HSD17B12: variants seen among roughly 807,000 people sequenced by gnomAD.
HSD17B12 encodes the protein hydroxysteroid 17-beta dehydrogenase 12, also known as very-long-chain 3-oxoacyl-CoA reductase.
HSD17B12 carries 32 observed loss-of-function variants against 39.3 expected under a neutral mutation model. That is an observed-to-expected ratio of 0.81 (90% confidence interval 0.61 to 1.09). The LOEUF (loss-of-function observed/expected upper bound fraction) is 1.09, where lower values mean the gene tolerates loss of function less well. Among genes scored for constraint, HSD17B12 ranks in the 50% least tolerant of loss-of-function variants. The probability of loss-of-function intolerance (pLI) is 0.00; values close to 1 mark genes in which losing one functional copy is unlikely to be tolerated. For synonymous variants in HSD17B12, 150 were observed against 146.7 expected, an observed-to-expected ratio of 1.02 and a Z score of -0.16; for missense variants, 342 against 382.9, an observed-to-expected ratio of 0.89 and a Z score of 0.89.
chr11:43,583,244 T>C, the HSD17B12 span, among the ~76,000 whole-genome samples: 1 of 152,186 alleles, frequency 6.6e-6, no homozygotes, highest in Non-Finnish European at 1.5e-5. Flanking sequence ...CCTAGCCCCC[T>C]CACTTCTCCC....
At chr11:43,669,504 A>G in the HSD17B12 span, among the ~76,000 whole-genome samples, 1 of 151,812 alleles carries the variant, frequency 6.6e-6, no homozygotes, top group Admixed American at 6.6e-5. Context: ...CTGTTTCAAA[A>G]AAAAAAAAAA....
chr11:43,826,274 G>A (rs747548918), intron 6 of HSD17B12, among the ~76,000 whole-genome samples: 2 of 151,822 alleles, frequency 1.3e-5, no homozygotes, highest in Non-Finnish European at 2.9e-5. Context: ...TAGTAGAGAC[G>A]GAGTTTCACC....
chr11:43,612,257 TA>T, the HSD17B12 span, among the ~76,000 whole-genome samples: 1 of 152,234 alleles, frequency 6.6e-6, no homozygotes, highest in Non-Finnish European at 1.5e-5. Flanking sequence ...TCTGTTTTTA[TA>T]ATTATGAGCC....
chr11:43,643,354 T>C, the HSD17B12 span, among the ~76,000 whole-genome samples: 6 of 152,188 alleles, frequency 3.9e-5, no homozygotes, highest in Non-Finnish European at 8.8e-5. Context: ...GTTTTTAAAC[T>C]CTTATTTTTA....
At chr11:43,581,404 G>T in the HSD17B12 span, 1 of 516,696 alleles carries the variant, frequency 1.9e-6, no homozygotes, top group Non-Finnish European at 4.0e-6. This position sits in a 1 kb window ranked among gnomAD's most constrained non-coding sequence, Gnocchi z 4.9. Flanking sequence ...TGCCCTTCGC[G>T]AATCTTTTTG....
Position 43,796,844 on chromosome 11 carries a change from C to CTT in HSD17B12, c.284-1468_284-1467dup, listed in dbSNP as rs11437673. On this transcript the variant is annotated intron_variant, in intron 3 of 10. Transcript: ENST00000278353. ...GTATTTTTAAGCTTTTGTTTTGGGG[C>CTT]TTTTTTTTTCCCTTGTGGATCTGTG... Among the ~76,000 whole-genome samples the CTT allele has an allele frequency of 3.0e-4, 45 of 150,328 alleles. 1 individual carries two copies. The highest frequency in any genetic ancestry group is 2.1e-3 in the Admixed American group (32 of 15,118).
At chr11:43,599,261 T>C in the HSD17B12 span, among the ~76,000 whole-genome samples, 3 of 152,322 alleles carry the variant, frequency 2.0e-5, 1 homozygote, top group African/African-American at 7.2e-5. Context: ...CTTGAATTCC[T>C]AATAGGAAAT....
Position 43,730,746 on chromosome 11 carries a change from C to T in HSD17B12, c.161-20165C>T, listed in dbSNP as rs117824799. Among the ~76,000 whole-genome samples, 1,419 of 152,228 alleles carry T rather than the reference C, an allele frequency of 9.3e-3. 6 individuals carry two copies. The highest frequency in any genetic ancestry group is 0.014 in the Non-Finnish European group (946 of 68,022). On this transcript the variant is annotated intron_variant, in intron 1 of 10. Coordinates refer to ENST00000278353, the MANE Select transcript of HSD17B12 (RefSeq NM_016142.3). ...AAGTACCTAGGGGTGTGCTGGGCCT[C>T]AGCATCAGTATGCTTAAACACATGC...
intron 3 of HSD17B12, among the ~76,000 whole-genome samples, chr11:43,777,652 G>A (rs1173613525): frequency 6.6e-6 from 1 of 152,168 alleles, no homozygotes; most frequent in African/African-American, 2.4e-5. Flanking sequence ...TGTTGAATAG[G>A]AGTGGTAAGA....
intron 6 of HSD17B12, among the ~76,000 whole-genome samples, chr11:43,823,302 A>C (rs1216384026): frequency 6.6e-6 from 1 of 151,668 alleles, no homozygotes; most frequent in African/African-American, 2.4e-5. Flanking sequence ...ACAGGGTATC[A>C]CTCTGTCACC....
intron 1 of HSD17B12, among the ~76,000 whole-genome samples, chr11:43,730,076 ATTAC>A (rs1950255150): frequency 6.6e-6 from 1 of 151,906 alleles, no homozygotes. Flanking sequence ...AAGAGAAGTC[ATTAC>A]TTTGATTTTA....
chr11:43,664,994 C>A, the HSD17B12 span, among the ~76,000 whole-genome samples: 2 of 152,134 alleles, frequency 1.3e-5, no homozygotes, highest in African/African-American at 4.8e-5. Context: ...GGTCTTCCTG[C>A]AAATCCAGAT....
intron 9 of HSD17B12, among the ~76,000 whole-genome samples, chr11:43,840,950 AT>A (rs1263682272): frequency 1.3e-5 from 2 of 152,082 alleles, no homozygotes; most frequent in Non-Finnish European, 2.9e-5. Context: ...GAACTTAGCT[AT>A]TTTCCATGTC....
intron 6 of HSD17B12, among the ~76,000 whole-genome samples, chr11:43,817,040 C>CTATATATATATATATATATCTATATA (rs1951136273): frequency 9.3e-5 from 2 of 21,514 alleles, no homozygotes; most frequent in Admixed American, 5.7e-4. Context: ...ATATCTATAT[C>CTATATATATATATATATATCTATATA]TATATATATA....
the HSD17B12 span, among the ~76,000 whole-genome samples, chr11:43,607,832 T>C: frequency 1.3e-5 from 2 of 152,154 alleles, no homozygotes; most frequent in Non-Finnish European, 2.9e-5. Flanking sequence ...AGGAGTGACA[T>C]TGATGGTGGC....
intron 1 of HSD17B12, among the ~76,000 whole-genome samples, chr11:43,687,033 A>T (rs543607432): frequency 6.6e-6 from 1 of 151,556 alleles, no homozygotes; most frequent in South Asian, 2.1e-4. Context: ...AATTTGTCAG[A>T]TTTACATAAC....
chr11:43,590,807 C>CTTTTT, the HSD17B12 span, among the ~76,000 whole-genome samples: 1 of 125,466 alleles, frequency 8.0e-6, no homozygotes, highest in Non-Finnish European at 1.6e-5. Context: ...CCCAGCTCGA[C>CTTTTT]TTTTTTTTTT....
intron 1 of HSD17B12, among the ~76,000 whole-genome samples, chr11:43,733,527 C>A (rs554161248): frequency 2.0e-5 from 3 of 152,192 alleles, no homozygotes; most frequent in African/African-American, 7.2e-5. Context: ...AGGAGCAGTC[C>A]GAACTTAGGA....
intron 1 of HSD17B12, among the ~76,000 whole-genome samples, chr11:43,683,360 T>C (rs568979888): frequency 1.4e-4 from 22 of 152,102 alleles, no homozygotes; most frequent in African/African-American, 5.1e-4. Context: ...TGAAGTGAAA[T>C]GCTGACAGGT....
Sources: gnomAD v4.1 joint callset for allele counts (sites outside exome capture counted in the v4.1 genomes callset) on GRCh38, gnomAD v4.1.1 for gene constraint, Gnocchi (gnomAD v3.1) non-coding constraint, MANE v1.5 for transcripts, NCBI Gene and HGNC (gene_info 2026-07-23, HGNC 2026-07-21) for gene names.